The following MPPED2 variants were observed in gnomAD, a reference collection of about 807,000 sequenced individuals.
MPPED2 encodes the protein metallophosphoesterase domain containing 2.
Under a neutral mutation model 33.0 loss-of-function variants are expected in MPPED2, and 5 were observed. The ratio of observed to expected loss-of-function variants is 0.15; its 90% confidence interval spans 0.08 to 0.32. MPPED2 has a LOEUF of 0.32. MPPED2 is among the 10% of genes least tolerant of loss of function. MPPED2 has a pLI of 1.00. For synonymous variants in MPPED2, 136 were observed against 141.9 expected, an observed-to-expected ratio of 0.96 and a Z score of 0.29; for missense variants, 275 against 372.1, an observed-to-expected ratio of 0.74 and a Z score of 2.15.
chr11:30,384,637 T>A (rs376010470), exon 7 of MPPED2: 1 of 151,968 alleles, frequency 6.6e-6, no homozygotes, highest in African/African-American at 2.4e-5. Flanking sequence ...AATTTTTGTA[T>A]TTTTAGTAGA....
Position 30,558,477 on chromosome 11 carries a change from C to G in MPPED2, c.128+21769G>C, listed in dbSNP as rs920495124. Among the ~76,000 whole-genome samples the G allele has an allele frequency of 2.0e-5, 3 of 151,390 alleles. No homozygotes were observed. In the South Asian group the frequency reaches 6.2e-4, roughly 31 times the overall value. ...TGCCACCAGGCTGCAGTGCAGTGGA[C>G]TGATCACAGCTCACTGCAGCTCTGG... On this transcript the variant is annotated intron_variant, in intron 2 of 6. Transcript: ENST00000358117.
At chr11:30,501,414 C>T (rs571225809) in intron 3 of MPPED2, among the ~76,000 whole-genome samples, 27 of 152,336 alleles carry the variant, frequency 1.8e-4, no homozygotes, top group African/African-American at 4.1e-4. Flanking sequence ...AAGGTCAGTG[C>T]GGCTATGAGG....
intron 3 of MPPED2, among the ~76,000 whole-genome samples, chr11:30,524,032 C>A (rs1171267801): frequency 6.6e-6 from 1 of 151,988 alleles, no homozygotes; most frequent in Non-Finnish European, 1.5e-5. Context: ...AGGTGGATCA[C>A]CTGAGGTCAG....
At chr11:30,491,611 T>A (rs1239063605) in intron 4 of MPPED2, among the ~76,000 whole-genome samples, 2 of 152,220 alleles carry the variant, frequency 1.3e-5, no homozygotes, top group Non-Finnish European at 2.9e-5. Flanking sequence ...CATGAAACCG[T>A]AATGTTTTCT....
intron 2 of MPPED2, among the ~76,000 whole-genome samples, chr11:30,564,821 G>C (rs1956374320): frequency 6.6e-6 from 1 of 152,082 alleles, no homozygotes; most frequent in Admixed American, 6.6e-5. Context: ...TGAAACAAAT[G>C]CACTCAATTC....
chr11:30,472,021 C>T (rs890948323), intron 4 of MPPED2, among the ~76,000 whole-genome samples: 8 of 152,082 alleles, frequency 5.3e-5, no homozygotes, highest in Admixed American at 2.0e-4. Flanking sequence ...CTACAGTGCA[C>T]GCCATTTGTG....
intron 6 of MPPED2, among the ~76,000 whole-genome samples, chr11:30,401,989 C>A (rs1038843010): frequency 5.9e-5 from 9 of 152,150 alleles, no homozygotes; most frequent in African/African-American, 2.2e-4. Context: ...GAGCCACCGC[C>A]CCCGGCCTAC....
At chr11:30,486,402 A>T (rs940569911) in intron 4 of MPPED2, among the ~76,000 whole-genome samples, 1 of 152,226 alleles carries the variant, frequency 6.6e-6, no homozygotes, top group Non-Finnish European at 1.5e-5. Flanking sequence ...CTGAGAATTC[A>T]GCCACTGAGA....
chr11:30,410,774 C>T lies in MPPED2; in HGVS notation c.*694G>A. ...TCATTTTTTTAACCGTATGAAATAC[C>T]TGCTCTTGACAGATTCCATTTCTGT... On this transcript the variant is annotated 3_prime_UTR_variant, in exon 7 of 7. Transcript: ENST00000358117. 24 of 984,982 alleles carry T rather than the reference C, an allele frequency of 2.4e-5. No individual in the cohort carries two copies. The highest frequency in any genetic ancestry group is 2.8e-5 in the Non-Finnish European group (23 of 829,258). The allele number at this position is 984,982 out of a possible 1,614,324, so 61.0% of individuals were successfully genotyped here. A position where few individuals can be genotyped will look rare whatever the true frequency, so the allele number is the denominator to read the frequency against.
At chr11:30,386,514 T>A (rs640494) in exon 7 of MPPED2, 131,168 of 376,364 alleles carry the variant, frequency 0.35, 24,444 homozygotes, top group Non-Finnish European at 0.38. Flanking sequence ...CTTGCAGAAC[T>A]GTGATTTAAA....
chr11:30,426,134 G>A (rs942402578), intron 4 of MPPED2, among the ~76,000 whole-genome samples: 3 of 152,000 alleles, frequency 2.0e-5, no homozygotes, highest in African/African-American at 7.3e-5. Flanking sequence ...CTAAATAGAA[G>A]GTCTATACAC....
intron 3 of MPPED2, among the ~76,000 whole-genome samples, chr11:30,498,185 C>T (rs2134225449): frequency 6.6e-6 from 1 of 151,924 alleles, no homozygotes. Context: ...TGCCTTTTTC[C>T]ATTTTATTCA....
chr11:30,453,562 C>T (rs773791076), intron 4 of MPPED2, among the ~76,000 whole-genome samples: 1 of 152,160 alleles, frequency 6.6e-6, no homozygotes, highest in Admixed American at 6.5e-5. Flanking sequence ...CTTCTGGCTG[C>T]GTATGGAGAC....
intron 4 of MPPED2, among the ~76,000 whole-genome samples, chr11:30,492,713 CTAAA>C (rs10539588): frequency 0.75 from 113,887 of 151,446 alleles, 43,831 homozygotes; most frequent in African/African-American, 0.93. Flanking sequence ...ACGTACCTTA[CTAAA>C]TAAAGCTAGG....
intron 2 of MPPED2, among the ~76,000 whole-genome samples, chr11:30,549,134 C>A (rs7931339): frequency 2.6e-5 from 4 of 152,074 alleles, no homozygotes; most frequent in Non-Finnish European, 4.4e-5. Context: ...CAGTTAGCTC[C>A]CATTCAGTGT....
Position 30,391,395 on chromosome 11 carries a change from G to A in MPPED2, c.767-2439C>T, listed in dbSNP as rs114641863. On this transcript the variant is annotated intron_variant, in intron 6 of 6. Coordinates refer to the MPPED2 transcript ENST00000448418. Reference sequence around the variant, plus strand: ...TTCCTCATTGAGGAAATCTGGGCCAGGTACCTAACGTTATCAGTTGGTGGG... The same window carrying A: ...TTCCTCATTGAGGAAATCTGGGCCAAGTACCTAACGTTATCAGTTGGTGGG... Among the ~76,000 whole-genome samples, 383 of 152,280 alleles carry A rather than the reference G, an allele frequency of 2.5e-3. 2 individuals carry two copies. Among genetic ancestry groups the A allele is most frequent in the African/African-American group, 8.9e-3 (370 of 41,550 alleles).
At chr11:30,472,316 G>T (rs1950984894) in intron 4 of MPPED2, among the ~76,000 whole-genome samples, 1 of 152,034 alleles carries the variant, frequency 6.6e-6, no homozygotes, top group South Asian at 2.1e-4. Flanking sequence ...AGCCGTGGTG[G>T]TGCCATAGCG....
At chr11:30,530,846 G>A (rs893864085) in intron 3 of MPPED2, among the ~76,000 whole-genome samples, 8 of 152,202 alleles carry the variant, frequency 5.3e-5, no homozygotes, top group African/African-American at 1.9e-4. Flanking sequence ...AAGCACAGGT[G>A]GAAGGAACAC....
rs193020047 is a variant in MPPED2, at chr11:30,396,788, G to C, written c.767-7832C>G. On this transcript the variant is annotated intron_variant, in intron 6 of 6. Transcript: ENST00000448418. Reference sequence around the variant, plus strand: ...CATAAAGTGTAGAAAAATAGAAAGGGAAAGTAAAATTCTTCCATTTCTTGT... The same window carrying C: ...CATAAAGTGTAGAAAAATAGAAAGGCAAAGTAAAATTCTTCCATTTCTTGT... Among the ~76,000 whole-genome samples, 550 of 152,218 alleles carry C rather than the reference G, an allele frequency of 3.6e-3. 5 individuals carry two copies. The highest frequency in any genetic ancestry group is 0.013 in the African/African-American group (521 of 41,556).
Sources: allele counts gnomAD v4.1 joint callset (sites outside exome capture counted in the v4.1 genomes callset), GRCh38; gene constraint gnomAD v4.1.1; transcripts MANE v1.5; gene names NCBI Gene and HGNC (gene_info 2026-07-23, HGNC 2026-07-21).